MPZL1: variants seen among roughly 807,000 people sequenced by gnomAD.
MPZL1 encodes myelin protein zero like 1, also known as myelin protein zero-like protein 1.
Under a neutral mutation model 29.3 loss-of-function variants are expected in MPZL1, and 16 were observed. The ratio of observed to expected loss-of-function variants is 0.55; its 90% CI spans 0.37 to 0.83. The LOEUF is 0.83. Among genes scored for constraint, MPZL1 ranks in the 40% least tolerant of loss-of-function variants. The pLI, the probability that MPZL1 is intolerant of heterozygous loss-of-function variation, is 0.00. For synonymous variants in MPZL1, 143 were observed against 132.0 expected (o/e 1.08, Z -0.57); for missense variants, 279 against 332.9 (o/e 0.84, Z 1.26).
intron 1 of MPZL1, among the ~76,000 whole-genome samples, chr1:167,733,933 TCA>T (rs1316091317): frequency 6.6e-6 from 1 of 150,948 alleles, no homozygotes; most frequent in Non-Finnish European, 1.5e-5. Flanking sequence ...CTCTGGACAC[TCA>T]CAGGTGAGTA....
At chr1:167,770,208 C>T (rs893711257) in intron 2 of MPZL1, among the ~76,000 whole-genome samples, 4 of 152,176 alleles carry the variant, frequency 2.6e-5, no homozygotes, top group Admixed American at 2.0e-4. Context: ...TTTCACCGTG[C>T]TCAAAGGGTT....
chr1:167,744,267 C>T lies in MPZL1; in HGVS notation c.92-21316C>T, dbSNP rs970158518. 3.0e-4 allele frequency among the ~76,000 whole-genome samples: 46 copies of T among 152,080 alleles called. 2 individuals are homozygous for T. The highest frequency in any genetic ancestry group is 1.1e-3 in the African/African-American group (46 of 41,448). ...CTGTGATTCACATAGTTGCAGACCA[C>T]ATAGTCACACCGGAAGTTTTTCAGG... On this transcript the variant is annotated intron_variant, in intron 1 of 5. Transcript: ENST00000359523.
chr1:167,772,459 G>A lies in MPZL1; in HGVS notation c.443G>A (p.Gly148Glu). 1.2e-6 allele frequency: 2 copies of A among 1,614,070 alleles called. No individual in the cohort carries two copies. Among genetic ancestry groups the A allele is most frequent in the Non-Finnish European group, 1.7e-6 (2 of 1,179,958 alleles). ...CCTCCTGACATCGTTGTCCAGCCTGGACACATTAGGCTCTATGTCGTAGAA... is the reference window on the plus strand; with the variant it reads ...CCTCCTGACATCGTTGTCCAGCCTGAACACATTAGGCTCTATGTCGTAGAA... Reference protein sequence around the residue: ...KNPPDIVVQPGHIRLYVVEKE... With the variant: ...KNPPDIVVQPEHIRLYVVEKE... Residue 148 changes from glycine to glutamate, a missense_variant, in exon 3 of 6, where the codon GGA becomes GAA. Transcript: ENST00000359523.
intron 1 of MPZL1, among the ~76,000 whole-genome samples, chr1:167,741,370 C>G (rs1161293420): frequency 2.1e-5 from 3 of 145,844 alleles, no homozygotes; most frequent in Non-Finnish European, 4.5e-5. Context: ...TCACTTGTCA[C>G]CCAGGCGTGC....
chr1:167,734,432 G>T (rs1361321446), intron 1 of MPZL1, among the ~76,000 whole-genome samples: 1 of 152,042 alleles, frequency 6.6e-6, no homozygotes, highest in African/African-American at 2.4e-5. Context: ...AACACCCTGA[G>T]TTGCGTAACA....
intron 1 of MPZL1, among the ~76,000 whole-genome samples, chr1:167,734,633 G>A (rs1571136322): frequency 6.6e-6 from 1 of 152,178 alleles, no homozygotes; most frequent in East Asian, 1.9e-4. Context: ...TTCACATTTT[G>A]TACCTCACCT....
intron 5 of MPZL1, among the ~76,000 whole-genome samples, chr1:167,778,163 A>T (rs1157440395): frequency 6.6e-6 from 1 of 152,142 alleles, no homozygotes; most frequent in Non-Finnish European, 1.5e-5. Context: ...TCTACTAAAA[A>T]TACAAAAATT....
chr1:167,735,926 T>C (rs112692183), intron 1 of MPZL1, among the ~76,000 whole-genome samples: 60 of 152,324 alleles, frequency 3.9e-4, no homozygotes, highest in African/African-American at 1.3e-3. Flanking sequence ...AACAATTCTA[T>C]TCTTTGTTGT....
At chr1:167,747,664 A>G (rs967386449) in intron 1 of MPZL1, among the ~76,000 whole-genome samples, 2 of 152,144 alleles carry the variant, frequency 1.3e-5, no homozygotes, top group Non-Finnish European at 2.9e-5. Flanking sequence ...ATGGTTCCAG[A>G]GATATTTTAT....
At chr1:167,740,733 A>T (rs1267976335) in intron 1 of MPZL1, among the ~76,000 whole-genome samples, 1 of 152,208 alleles carries the variant, frequency 6.6e-6, no homozygotes, top group Non-Finnish European at 1.5e-5. Flanking sequence ...AGACCTGCAT[A>T]TCCGGTTACC....
chr1:167,746,467 GCAC>G (rs1332353080), intron 1 of MPZL1, among the ~76,000 whole-genome samples: 2 of 152,196 alleles, frequency 1.3e-5, no homozygotes, highest in Non-Finnish European at 2.9e-5. Flanking sequence ...GGCAGCATTG[GCAC>G]CAATAACAGA....
Position 167,739,282 on chromosome 1 carries a change from CATAT to C in MPZL1, c.91+17064_91+17067del, listed in dbSNP as rs71959233. 1.5e-3 allele frequency among the ~76,000 whole-genome samples: 138 copies of C among 90,386 alleles called. 4 individuals are homozygous for C. The highest frequency in any genetic ancestry group is 4.3e-3 in the South Asian group (13 of 3,000). The allele number at this position is 90,386 out of a possible 152,430, so 59.3% of individuals were successfully genotyped here. On this transcript the variant is annotated intron_variant, in intron 1 of 5. Transcript: ENST00000359523. ...ATACACATACATATATACATATATA[CATAT>C]ATATATATATATATATATATATACA...
chr1:167,755,071 G>T (rs1355357629), intron 1 of MPZL1, among the ~76,000 whole-genome samples: 1 of 152,122 alleles, frequency 6.6e-6, no homozygotes, highest in East Asian at 1.9e-4. Flanking sequence ...TCTTTCTGTT[G>T]TACGTTGTAT....
At chr1:167,732,795 A>T (rs1488106122) in intron 1 of MPZL1, among the ~76,000 whole-genome samples, 2 of 152,052 alleles carry the variant, frequency 1.3e-5, no homozygotes, top group African/African-American at 4.8e-5. Context: ...TTTTGTAGAG[A>T]TGGGGTTTCG....
At chr1:167,739,296 T>TATACATATATATATATAC (rs1553254309) in intron 1 of MPZL1, among the ~76,000 whole-genome samples, 3 of 113,618 alleles carry the variant, frequency 2.6e-5, no homozygotes, top group African/African-American at 1.6e-4. Flanking sequence ...TATATATATA[T>TATACATATATATATATAC]ATATATATAT....
At chr1:167,741,804 A>G (rs1228051078) in intron 1 of MPZL1, among the ~76,000 whole-genome samples, 3 of 152,076 alleles carry the variant, frequency 2.0e-5, no homozygotes, top group Non-Finnish European at 4.4e-5. Context: ...AGGTCAAGGC[A>G]GGAGGATCAC....
chr1:167,788,086 T>C lies in MPZL1; in HGVS notation c.*165T>C. 1.8e-6 allele frequency: 1 copy of C among 556,864 alleles called. No homozygotes were observed. Among genetic ancestry groups the C allele is most frequent in the South Asian group, 2.6e-5 (1 of 38,332 alleles). The allele number at this position is 556,864 out of a possible 1,614,324, so 34.5% of individuals were successfully genotyped here. A position where few individuals can be genotyped will look rare whatever the true frequency, so the allele number is the denominator to read the frequency against. ...TGTGTACAAAGGATATGTATAAATA[T>C]TCTATTTAGTCATCCTGATATGAGG... On this transcript the variant is annotated 3_prime_UTR_variant, in exon 6 of 6. Transcript: ENST00000359523.
intron 4 of MPZL1, 57 bp from the exon 5 acceptor site, chr1:167,776,007 C>G: frequency 8.4e-7 from 1 of 1,196,490 alleles, no homozygotes; most frequent in East Asian, 2.8e-5. Flanking sequence ...ATTTTTGTTT[C>G]TATTTATTTA....
At chr1:167,732,052 G>A (rs77766686) in intron 1 of MPZL1, among the ~76,000 whole-genome samples, 4,059 of 152,262 alleles carry the variant, frequency 0.027, 81 homozygotes, top group Non-Finnish European at 0.042. Context: ...ATTTTTCACC[G>A]CAGAGATATT....
Sources: allele counts gnomAD v4.1 joint callset (sites outside exome capture counted in the v4.1 genomes callset), GRCh38; gene constraint gnomAD v4.1.1; transcripts MANE v1.5; gene names NCBI Gene and HGNC (gene_info 2026-07-23, HGNC 2026-07-21).